The following ZFAT variants were observed in gnomAD, a reference collection of about 807,000 sequenced individuals.
The protein encoded by ZFAT is zinc finger and AT-hook domain containing, also known as zinc finger protein ZFAT.
In ZFAT, 64 loss-of-function variants were observed where a neutral mutation model predicts 117.7. That is an observed-to-expected ratio of 0.54 (90% confidence interval 0.44 to 0.67). The LOEUF (loss-of-function observed/expected upper bound fraction) is 0.67, where lower values mean the gene tolerates loss of function less well. Among genes scored for constraint, ZFAT ranks in the 30% least tolerant of loss-of-function variants. The pLI is 0.00. For missense variants in ZFAT, 1,433 were observed against 1,584.5 expected (o/e 0.90, Z 1.62); for synonymous variants, 679 against 615.0 (o/e 1.10, Z -1.54).
At chr8:134,639,738 A>T in intron 2 of ZFAT, 1 of 456,338 alleles carries the variant, frequency 2.2e-6, no homozygotes, top group Non-Finnish European at 4.4e-6. Flanking sequence ...TTCATATCAG[A>T]GAAGCAGAAT....
intron 3 of ZFAT, among the ~76,000 whole-genome samples, chr8:134,632,402 G>C (rs1829949250): frequency 6.6e-6 from 1 of 152,178 alleles, no homozygotes; most frequent in African/African-American, 2.4e-5. Context: ...AGTTTGAGGA[G>C]AGTCAAAAGT....
At chr8:134,557,555 T>C (rs534957252) in intron 11 of ZFAT, among the ~76,000 whole-genome samples, 6 of 152,362 alleles carry the variant, frequency 3.9e-5, no homozygotes, top group Non-Finnish European at 7.3e-5. Flanking sequence ...GTGGGGTATA[T>C]AGAAACTCTC....
Position 134,629,629 on chromosome 8 carries a change from A to G in ZFAT, c.448+7832T>C, listed in dbSNP as rs187411901. Among the ~76,000 whole-genome samples, 229 of 152,216 alleles carry G rather than the reference A, an allele frequency of 1.5e-3. 3 individuals carry two copies. The highest frequency in any genetic ancestry group is 0.014 in the Admixed American group (210 of 15,284). ...TGTTCTCATGAGATATGATGGTTTA[A>G]AAGTGTGAGGCACTTCCCCCTTCAT... On this transcript the variant is annotated intron_variant, in intron 3 of 15. Coordinates refer to ENST00000377838, the MANE Select transcript of ZFAT (RefSeq NM_020863.4).
At chr8:134,805,896 G>A in the ZFAT span, among the ~76,000 whole-genome samples, 6 of 152,094 alleles carry the variant, frequency 3.9e-5, no homozygotes, top group African/African-American at 1.4e-4. Flanking sequence ...GAGGATCCCT[G>A]AGCTTGGGAG....
At chr8:134,596,894 G>C (rs1444431719) in intron 7 of ZFAT, among the ~76,000 whole-genome samples, 1 of 152,040 alleles carries the variant, frequency 6.6e-6, no homozygotes, top group Non-Finnish European at 1.5e-5. Flanking sequence ...AGGGGAACGA[G>C]GGATGGCAGC....
intron 6 of ZFAT, among the ~76,000 whole-genome samples, chr8:134,600,950 C>T (rs866572729): frequency 4.6e-5 from 7 of 152,126 alleles, no homozygotes; most frequent in Non-Finnish European, 7.4e-5. Flanking sequence ...CCATGATGCA[C>T]ATGCATAAAT....
chr8:134,688,390 T>G (rs1343463216), intron 1 of ZFAT, among the ~76,000 whole-genome samples: 1 of 152,078 alleles, frequency 6.6e-6, no homozygotes, highest in Non-Finnish European at 1.5e-5. Flanking sequence ...CACACAAACA[T>G]ACACTTTCTT....
intron 5 of ZFAT, 131 bp downstream of exon 5, chr8:134,608,598 G>A: frequency 9.0e-7 from 1 of 1,107,472 alleles, no homozygotes; most frequent in Non-Finnish European, 1.3e-6. Context: ...CTGAATCAAG[G>A]AGTCAGTATC....
intron 10 of ZFAT, among the ~76,000 whole-genome samples, chr8:134,572,984 A>G (rs1310306404): frequency 3.9e-5 from 6 of 152,280 alleles, no homozygotes; most frequent in African/African-American, 1.4e-4. Flanking sequence ...GGAAGAAGCC[A>G]GACATAAAAG....
chr8:134,525,435 G>T (rs751037981), intron 12 of ZFAT, among the ~76,000 whole-genome samples: 5 of 152,170 alleles, frequency 3.3e-5, no homozygotes, highest in Non-Finnish European at 7.3e-5. Context: ...GCTCATTAGG[G>T]TACTCGGGAA....
intron 2 of ZFAT, among the ~76,000 whole-genome samples, chr8:134,644,732 G>A (rs1377514979): frequency 6.6e-6 from 1 of 150,912 alleles, no homozygotes; most frequent in Admixed American, 6.6e-5. Context: ...ACTCACAAAC[G>A]TGCCCATATT....
chr8:134,591,873 C>T (rs1484471317), intron 7 of ZFAT, among the ~76,000 whole-genome samples: 2 of 152,210 alleles, frequency 1.3e-5, no homozygotes, highest in Non-Finnish European at 2.9e-5. Context: ...AACACCTTGA[C>T]CTCTGCCTTC....
chr8:134,817,077 A>G, the ZFAT span, among the ~76,000 whole-genome samples: 2 of 152,106 alleles, frequency 1.3e-5, no homozygotes, highest in Non-Finnish European at 2.9e-5. Context: ...TAATGTGTCA[A>G]CTTGGCTAGG....
rs758050176 is a variant in ZFAT at position 134,638,549 on chromosome 8, C to CAA, written c.197-839_197-838dup. The stretch of plus-strand genomic sequence containing the variant: ...TGAAACTCTGTCTCTACTAAAAATA[C>CAA]AAAAAAAAAACAAAACAAAAAAAAA... On this transcript the variant is annotated intron_variant, in intron 2 of 15. Coordinates refer to ENST00000377838, the MANE Select transcript of ZFAT (RefSeq NM_020863.4). Among the ~76,000 whole-genome samples, 310 of 101,064 alleles carry CAA rather than the reference C, an allele frequency of 3.1e-3. 15 individuals are homozygous for CAA. The highest frequency in any genetic ancestry group is 3.5e-3 in the African/African-American group (95 of 26,846). The allele number at this position is 101,064 out of a possible 152,430, so 66.3% of individuals were successfully genotyped here.
At chr8:134,583,802 G>C in intron 10 of ZFAT, 30 bp downstream of exon 10, 2 of 1,609,638 alleles carry the variant, frequency 1.2e-6, no homozygotes, top group Non-Finnish European at 1.7e-6. Flanking sequence ...ACATTTAGAG[G>C]GGAAAGTTCA....
the ZFAT span, among the ~76,000 whole-genome samples, chr8:134,825,453 GA>G: frequency 6.6e-6 from 1 of 152,150 alleles, no homozygotes; most frequent in Non-Finnish European, 1.5e-5. Context: ...AGATTGAAAA[GA>G]AATGTTCAAA....
At chr8:134,608,216 T>A (rs1039897101) in intron 5 of ZFAT, among the ~76,000 whole-genome samples, 9 of 152,348 alleles carry the variant, frequency 5.9e-5, no homozygotes, top group Admixed American at 5.9e-4. Context: ...AACCAATATA[T>A]GTTAGTATAT....
In ZFAT at chr8:134,713,030, A is replaced by ACTCCATCCGCCATGT; in HGVS notation, c.-168_-167insACATGGCGGATGGAG. 1.3e-6 allele frequency: 1 copy of ACTCCATCCGCCATGT among 776,934 alleles called. No individual in the cohort carries two copies. The highest frequency in any genetic ancestry group is 1.8e-6 in the Non-Finnish European group (1 of 546,532). 48.1% of individuals were successfully genotyped at this position (776,934 alleles called of 1,614,324 possible). A position where few individuals can be genotyped will look rare whatever the true frequency, so the allele number is the denominator to read the frequency against. ...GAATCTGCGGCATCCAACATGGCGG[A>ACTCCATCCGCCATGT]TGGAGTCTTCGCCCTCCTCCCCACG... On this transcript the variant is annotated 5_prime_UTR_variant, in exon 1 of 16. It adds an upstream start codon to the 5' untranslated region. Coordinates refer to ENST00000377838, the MANE Select transcript of ZFAT (RefSeq NM_020863.4).
At chr8:134,625,376 G>A (rs908301780) in intron 3 of ZFAT, among the ~76,000 whole-genome samples, 4 of 152,300 alleles carry the variant, frequency 2.6e-5, no homozygotes, top group East Asian at 1.9e-4. Context: ...GAACCATCAC[G>A]AGAGAAATGC....
Sources: allele counts gnomAD v4.1 joint callset (sites outside exome capture counted in the v4.1 genomes callset), GRCh38; gene constraint gnomAD v4.1.1; transcripts MANE v1.5; gene names NCBI Gene and HGNC (gene_info 2026-07-23, HGNC 2026-07-21).